Variants in CDH13 observed in about 807,000 individuals in gnomAD.
CDH13 encodes cadherin-13.
In CDH13, 24 loss-of-function variants were observed where a neutral mutation model predicts 63.8. That is an observed-to-expected ratio of 0.38 (90% confidence interval 0.27 to 0.53). The LOEUF is 0.53. CDH13 is among the 20% of genes least tolerant of loss of function. The pLI, the probability that CDH13 is intolerant of heterozygous loss-of-function variation, is 0.85. For missense variants in CDH13, 1,049 were observed against 903.1 expected (o/e 1.16, Z -2.07); for synonymous variants, 503 against 355.3 (o/e 1.42, Z -4.67).
intron 5 of CDH13, among the ~76,000 whole-genome samples, chr16:83,312,091 C>G (rs1410390658): frequency 2.9e-5 from 4 of 140,278 alleles, no homozygotes; most frequent in African/African-American, 1.1e-4. Flanking sequence ...AAAAAAGAAT[C>G]TTGGGAGACA....
In CDH13 at chr16:83,633,203, A is replaced by G. The variant is rs138491832; in HGVS notation, c.1101+30609A>G. Among the ~76,000 whole-genome samples, 678 of 151,882 alleles carry G rather than the reference A, an allele frequency of 4.5e-3. 5 individuals are homozygous for G. The highest frequency in any genetic ancestry group is 0.016 in the African/African-American group (646 of 41,192). Reference sequence around the variant, plus strand: ...TTAAGAATGCCTCAACCTCCTGACAATGCAACCCAGTAGGTCTCAGCCTTA... The same window carrying G: ...TTAAGAATGCCTCAACCTCCTGACAGTGCAACCCAGTAGGTCTCAGCCTTA... On this transcript the variant is annotated intron_variant, in intron 8 of 13. Coordinates refer to ENST00000567109, the MANE Select transcript of CDH13 (RefSeq NM_001257.5).
At chr16:83,085,906 A>G (rs961239492) in intron 3 of CDH13, among the ~76,000 whole-genome samples, 3 of 152,200 alleles carry the variant, frequency 2.0e-5, no homozygotes, top group Non-Finnish European at 2.9e-5. Context: ...TAGAATACCT[A>G]TTAATTCAGA....
chr16:83,467,276 A>T (rs2073339335), intron 6 of CDH13, among the ~76,000 whole-genome samples: 1 of 152,198 alleles, frequency 6.6e-6, no homozygotes, highest in African/African-American at 2.4e-5. Flanking sequence ...TGAAGAAAAG[A>T]CTTGTCTTGT....
chr16:83,258,844 C>G (rs548278575), intron 5 of CDH13, among the ~76,000 whole-genome samples: 1 of 152,326 alleles, frequency 6.6e-6, no homozygotes, highest in South Asian at 2.1e-4. Flanking sequence ...CTTATACTCT[C>G]ATTTGAATAA....
At chr16:83,308,825 A>G (rs2089937192) in intron 5 of CDH13, among the ~76,000 whole-genome samples, 1 of 152,392 alleles carries the variant, frequency 6.6e-6, no homozygotes, top group Middle Eastern at 3.4e-3. Context: ...GAATCTTTGC[A>G]GAAGTTGAAG....
chr16:83,541,189 C>G (rs1231962930), intron 7 of CDH13, among the ~76,000 whole-genome samples: 1 of 152,146 alleles, frequency 6.6e-6, no homozygotes, highest in Non-Finnish European at 1.5e-5. Context: ...AATCTGGATG[C>G]ATCTAACCCT....
At chr16:82,969,219 G>A (rs1908327599) in intron 2 of CDH13, among the ~76,000 whole-genome samples, 1 of 152,204 alleles carries the variant, frequency 6.6e-6, no homozygotes, top group Non-Finnish European at 1.5e-5. Context: ...GGGCCAGGTA[G>A]GCTTTGTAGG....
intron 6 of CDH13, among the ~76,000 whole-genome samples, chr16:83,370,168 G>A (rs1426922526): frequency 3.3e-5 from 5 of 152,210 alleles, no homozygotes; most frequent in Admixed American, 1.3e-4. Flanking sequence ...CGGACGGATC[G>A]TGAAGTCAGG....
In CDH13 at chr16:83,462,489, C is replaced by A. The variant is rs190581550; in HGVS notation, c.782-23988C>A. 2.6e-3 allele frequency among the ~76,000 whole-genome samples: 400 copies of A among 152,320 alleles called. 2 individuals are homozygous for A. The highest frequency in any genetic ancestry group is 9.4e-3 in the African/African-American group (392 of 41,578). On this transcript the variant is annotated intron_variant, in intron 6 of 13. Coordinates refer to ENST00000567109, the MANE Select transcript of CDH13 (RefSeq NM_001257.5). ...ATTAGAGGCAAGGTGCAGTGGCTTA[C>A]GCCTGTAATCCCAGCACTTTGGGAG...
At chr16:83,216,439 T>TACAC (rs1419896545) in intron 4 of CDH13, among the ~76,000 whole-genome samples, 1 of 108,198 alleles carries the variant, frequency 9.2e-6, no homozygotes, top group African/African-American at 3.7e-5. Context: ...TATATATATA[T>TACAC]ATATACACAA....
At chr16:83,430,849 G>C (rs1326884922) in intron 6 of CDH13, among the ~76,000 whole-genome samples, 6 of 151,608 alleles carry the variant, frequency 4.0e-5, no homozygotes. Flanking sequence ...TAAGTTTTAG[G>C]GTACATGTGC....
At chr16:83,007,047 C>G (rs1188647241) in intron 2 of CDH13, among the ~76,000 whole-genome samples, 1 of 152,042 alleles carries the variant, frequency 6.6e-6, no homozygotes, top group Non-Finnish European at 1.5e-5. Flanking sequence ...CCTCAACTTC[C>G]CAAGTAGCTG....
chr16:83,176,680 A>G (rs1281617702), intron 4 of CDH13, among the ~76,000 whole-genome samples: 2 of 152,032 alleles, frequency 1.3e-5, no homozygotes, highest in African/African-American at 4.8e-5. Flanking sequence ...ACATTTATGG[A>G]AGGAGAATTA....
chr16:83,003,397 T>C (rs1913146329), intron 2 of CDH13, among the ~76,000 whole-genome samples: 1 of 151,910 alleles, frequency 6.6e-6, no homozygotes, highest in Non-Finnish European at 1.5e-5. Flanking sequence ...GGTTTTTTTT[T>C]TTAATTTTCT....
chr16:83,232,296 G>A (rs1484535964), intron 5 of CDH13, among the ~76,000 whole-genome samples: 2 of 145,474 alleles, frequency 1.4e-5, no homozygotes, highest in South Asian at 2.2e-4. Flanking sequence ...AAGCTGAGGC[G>A]AGCAGATCAC....
In CDH13 at chr16:82,848,863, C is replaced by T. The variant is rs1053931444; in HGVS notation, c.46-9499C>T. ...ATTAAGCTAAGTGAGGAAGGCATGT[C>T]AAAAGCTGAGGTAGGCTGAAAGCTA... On this transcript the variant is annotated intron_variant, in intron 1 of 13. Coordinates refer to ENST00000567109, the MANE Select transcript of CDH13 (RefSeq NM_001257.5). 4.6e-5 allele frequency among the ~76,000 whole-genome samples: 7 copies of T among 152,240 alleles called. No homozygotes were observed. In the South Asian group the frequency reaches 1.0e-3, roughly 23 times the overall value.
intron 2 of CDH13, among the ~76,000 whole-genome samples, chr16:82,872,984 G>T (rs572183438): frequency 6.6e-6 from 1 of 152,284 alleles, no homozygotes; most frequent in South Asian, 2.1e-4. Context: ...TGAGAACACA[G>T]GAAAACGGCA....
At chr16:83,287,672 A>G (rs992943383) in intron 5 of CDH13, among the ~76,000 whole-genome samples, 1 of 152,178 alleles carries the variant, frequency 6.6e-6, no homozygotes, top group African/African-American at 2.4e-5. Context: ...TGACTTATAT[A>G]ATTATTTCAT....
intron 4 of CDH13, among the ~76,000 whole-genome samples, chr16:83,208,224 A>C (rs2039238242): frequency 6.6e-6 from 1 of 152,134 alleles, no homozygotes; most frequent in African/African-American, 2.4e-5. Flanking sequence ...CTTGGCCATG[A>C]GCTTTCCTTA....
Sources: allele counts gnomAD v4.1 joint callset (sites outside exome capture counted in the v4.1 genomes callset), GRCh38; gene constraint gnomAD v4.1.1; transcripts MANE v1.5; gene names NCBI Gene and HGNC (gene_info 2026-07-23, HGNC 2026-07-21).